The following UIMC1 variants were observed in gnomAD, a reference collection of about 807,000 sequenced individuals.
The protein encoded by UIMC1 is ubiquitin interaction motif containing 1, also known as BRCA1-A complex subunit RAP80.
UIMC1 carries 42 observed loss-of-function variants against 84.9 expected under a neutral mutation model. That is an observed-to-expected ratio of 0.49 (90% CI 0.39 to 0.64). The LOEUF (loss-of-function observed/expected upper bound fraction) is 0.64, where lower values mean the gene tolerates loss of function less well. Ranked by LOEUF, UIMC1 falls within the 30% of genes least tolerant of loss-of-function variation. UIMC1 has a pLI of 0.00. For synonymous variants in UIMC1, 281 were observed against 293.0 expected (o/e 0.96, Z 0.42); for missense variants, 825 against 847.6 (o/e 0.97, Z 0.33).
At chr5:176,973,299 T>C (rs1324465257) in intron 3 of UIMC1, among the ~76,000 whole-genome samples, 1 of 151,648 alleles carries the variant, frequency 6.6e-6, no homozygotes, top group Non-Finnish European at 1.5e-5. Context: ...GAGGCAAAAA[T>C]AAAATAAAAT....
chr5:176,950,587 G>A (rs1765741530), intron 9 of UIMC1, among the ~76,000 whole-genome samples: 1 of 151,794 alleles, frequency 6.6e-6, no homozygotes, highest in Admixed American at 6.6e-5. Context: ...TACATACTGA[G>A]GACCGGGCGC....
intron 1 of UIMC1, among the ~76,000 whole-genome samples, chr5:177,003,429 C>A (rs747928954): frequency 9.9e-5 from 15 of 152,220 alleles, no homozygotes; most frequent in Non-Finnish European, 1.6e-4. Context: ...CCGAGGCAGG[C>A]AGATCACGAG....
At chr5:177,016,924 G>A (rs1391213717) in intron 1 of UIMC1, among the ~76,000 whole-genome samples, 1 of 151,984 alleles carries the variant, frequency 6.6e-6, no homozygotes, top group East Asian at 1.9e-4. Flanking sequence ...TCAGGAGGCT[G>A]AGGCAGGAGA....
At chr5:176,961,638 T>TG (rs1360512184) in intron 6 of UIMC1, among the ~76,000 whole-genome samples, 2 of 22,842 alleles carry the variant, frequency 8.8e-5, no homozygotes, top group African/African-American at 2.5e-4. Flanking sequence ...GGGAGGGAGG[T>TG]GGGGGGGTCA....
chr5:177,022,203 A>G lies in UIMC1; in HGVS notation c.-9+261T>C, dbSNP rs139371768. On this transcript the variant is annotated intron_variant, in intron 1 of 5. Coordinates refer to the UIMC1 transcript ENST00000509236. ...AGAAGCCTATTAGCCATTCGAGTGAACTGTGGAAGAGGCAACTGGATGTAT... is the reference window on the plus strand; with the variant it reads ...AGAAGCCTATTAGCCATTCGAGTGAGCTGTGGAAGAGGCAACTGGATGTAT... Among the ~76,000 whole-genome samples the G allele has an allele frequency of 9.3e-3, 1,412 of 152,190 alleles. 9 individuals are homozygous for G. Among genetic ancestry groups the G allele is most frequent in the South Asian group, 0.025 (121 of 4,822 alleles).
chr5:177,021,349 C>T (rs905041129), intron 1 of UIMC1, among the ~76,000 whole-genome samples: 7 of 151,892 alleles, frequency 4.6e-5, no homozygotes, highest in African/African-American at 1.2e-4. Flanking sequence ...GCCTTCTAGT[C>T]GGGAGACAGA....
chr5:176,908,551 T>C lies in UIMC1; in HGVS notation c.1820A>G (p.Lys607Arg). Residue 607 changes from lysine (K) to arginine (R), a missense_variant, in exon 12 of 15, where the codon AAG (lysine) becomes AGG (arginine). Transcript: ENST00000511320. ...SGRACSTVEG[K>R]WQQRLKNPKE... ...TGGGTTCTTCAGCCTCTGCTGCCACTTCCCCTCCACAGTTGAACATGCTCT... is the reference window on the plus strand; with the variant it reads ...TGGGTTCTTCAGCCTCTGCTGCCACCTCCCCTCCACAGTTGAACATGCTCT... 6.2e-7 allele frequency: 1 copy of C among 1,614,050 alleles called. No homozygotes were observed. The highest frequency in any genetic ancestry group is 8.5e-7 in the Non-Finnish European group (1 of 1,179,972).
At chr5:176,989,988 G>A (rs1014924746) in intron 1 of UIMC1, among the ~76,000 whole-genome samples, 1 of 151,958 alleles carries the variant, frequency 6.6e-6, no homozygotes, top group Non-Finnish European at 1.5e-5. Context: ...AGACCATCCT[G>A]GCTAACATGG....
At chr5:176,933,372 T>G (rs1394953507) in intron 10 of UIMC1, among the ~76,000 whole-genome samples, 1 of 152,226 alleles carries the variant, frequency 6.6e-6, no homozygotes, top group Non-Finnish European at 1.5e-5. Context: ...TATCTATTAC[T>G]ATGCCATATA....
Position 176,969,231 on chromosome 5 carries a change from T to G in UIMC1, c.524A>C (p.Glu175Ala), listed in dbSNP as rs1768820949. Reference protein sequence around the residue: ...FKGSHISQGNEAEEREEPWDH... With the variant: ...FKGSHISQGNAAEEREEPWDH... Reference sequence around the variant, plus strand: ...CCAAGGCTCCTCTCTTTCCTCAGCCTCGTTTCCCTGACTGATATGTGAGCC... The same window carrying G: ...CCAAGGCTCCTCTCTTTCCTCAGCCGCGTTTCCCTGACTGATATGTGAGCC... The change falls in exon 6 of 15, where the codon GAG becomes GCG. Residue 175 changes from glutamate to alanine, a missense_variant. Glu to Ala is a moderately radical substitution (Grantham distance 107). Transcript: ENST00000511320. 6.2e-7 allele frequency: 1 copy of G among 1,614,202 alleles called. No homozygotes were observed. Among genetic ancestry groups the G allele is most frequent in the Non-Finnish European group, 8.5e-7 (1 of 1,180,038 alleles).
chr5:176,976,351 G>C (rs1349683347), intron 2 of UIMC1, among the ~76,000 whole-genome samples: 1 of 151,882 alleles, frequency 6.6e-6, no homozygotes, highest in Admixed American at 6.6e-5. Flanking sequence ...CTGGGCAAAG[G>C]GTTTGAAAAG....
intron 7 of UIMC1, 123 bp downstream of exon 7, chr5:176,957,970 T>C (rs1766818737): frequency 1.3e-6 from 1 of 749,890 alleles, no homozygotes; most frequent in Non-Finnish European, 2.0e-6. Context: ...CTCCTAGTCT[T>C]CACTTATAAA....
chr5:176,930,810 A>G (rs7718401), intron 10 of UIMC1, among the ~76,000 whole-genome samples: 14,888 of 152,264 alleles, frequency 0.098, 1,520 homozygotes, highest in African/African-American at 0.26. Flanking sequence ...TTACAGAGGC[A>G]ACTATGTCAC....
At chr5:176,958,240 T>C (rs1485605724) in intron 6 of UIMC1, 86 bp from the exon 7 acceptor site, 1 of 1,125,626 alleles carries the variant, frequency 8.9e-7, no homozygotes, top group Non-Finnish European at 1.3e-6. Context: ...AATTGTTCAA[T>C]GTTCTCCCTC....
intron 2 of UIMC1, among the ~76,000 whole-genome samples, chr5:176,976,265 A>G (rs1334996325): frequency 6.6e-6 from 1 of 152,178 alleles, no homozygotes; most frequent in Non-Finnish European, 1.5e-5. Flanking sequence ...CAGCAAGCTA[A>G]GATCGCACCA....
intron 10 of UIMC1, among the ~76,000 whole-genome samples, chr5:176,937,287 A>G (rs1763825744): frequency 6.6e-6 from 1 of 152,138 alleles, no homozygotes; most frequent in South Asian, 2.1e-4. Context: ...ATGAGTCAGG[A>G]GATCGAGACC....
intron 10 of UIMC1, among the ~76,000 whole-genome samples, chr5:176,913,892 G>A (rs758856047): frequency 7.2e-5 from 11 of 152,136 alleles, no homozygotes; most frequent in Admixed American, 1.3e-4. Flanking sequence ...TGGGAGGATC[G>A]CCTGAGCCAG....
chr5:176,957,994 C>A lies in UIMC1; in HGVS notation c.1262+99G>T, dbSNP rs922907644. 24 of 1,116,728 alleles carry A rather than the reference C, an allele frequency of 2.1e-5. No homozygotes were observed. In the Admixed American group the frequency reaches 4.1e-4, roughly 19 times the overall value. 69.2% of individuals were successfully genotyped at this position (1,116,728 alleles called of 1,614,324 possible). A position where few individuals can be genotyped will look rare whatever the true frequency, so the allele number is the denominator to read the frequency against. On this transcript the variant is annotated intron_variant, in intron 7 of 14. Coordinates refer to ENST00000511320, the MANE Select transcript of UIMC1 (RefSeq NM_001199298.2). Reference sequence around the variant, plus strand: ...TTCACTTATAAAAGAGCTAAAAGTTCTCTGGCAAGCTGTCCACGTACAGTC... The same window carrying A: ...TTCACTTATAAAAGAGCTAAAAGTTATCTGGCAAGCTGTCCACGTACAGTC...
intron 2 of UIMC1, chr5:176,980,169 C>T (rs1440480301): frequency 1.3e-5 from 2 of 152,222 alleles, no homozygotes; most frequent in Admixed American, 1.3e-4. Context: ...CTACTGGCAT[C>T]CCAGGGTATC....
Sources: gnomAD v4.1 joint callset for allele counts (sites outside exome capture counted in the v4.1 genomes callset) on GRCh38, gnomAD v4.1.1 for gene constraint, MANE v1.5 for transcripts, NCBI Gene and HGNC (gene_info 2026-07-23, HGNC 2026-07-21) for gene names.